The following GNAS variants were observed in gnomAD, a reference collection of about 807,000 sequenced individuals.
GNAS encodes protein ALEX.
In GNAS, 8 loss-of-function variants were observed where a neutral mutation model predicts 54.5. That is an observed-to-expected ratio of 0.15 (90% CI 0.09 to 0.26). GNAS has a LOEUF of 0.26. GNAS is among the 10% of genes least tolerant of loss of function. GNAS has a pLI of 1.00. For synonymous variants in GNAS, 204 were observed against 191.4 expected (o/e 1.07, Z -0.54); for missense variants, 170 against 529.8 (o/e 0.32, Z 6.67).
In GNAS at chr20:58,854,329, A is replaced by G. The variant is rs759616508; in HGVS notation, c.43+13443A>G. On this transcript the variant is annotated intron_variant, in intron 1 of 12. Transcript: ENST00000306090. ...GAGCGAGCAGAGAGACCCCCAGTTG[A>G]GGAGGAAGCAGCAGAGATGGAAGGA... 122 of 1,592,946 alleles carry G rather than the reference A, an allele frequency of 7.7e-5. 3 individuals are homozygous for G. In the South Asian group the frequency reaches 1.4e-3, roughly 18 times the overall value.
intron 1 of GNAS, chr20:58,876,738 C>G (rs975974374): frequency 6.6e-6 from 1 of 152,228 alleles, no homozygotes. Flanking sequence ...TAAACAGCTT[C>G]CTCCTGACCC....
At chr20:58,892,023 A>T (rs1020510114) in intron 1 of GNAS, 158 bp downstream of exon 1, 2 of 802,864 alleles carry the variant, frequency 2.5e-6, no homozygotes, top group Non-Finnish European at 3.0e-6. Context: ...CGGAAGGGGG[A>T]CCCAGGGGCG....
Position 58,909,101 on chromosome 20 carries a change from A to C in GNAS, c.531-61A>C. The C allele has an allele frequency of 7.0e-7, 1 of 1,419,052 alleles. No homozygotes were observed. Among genetic ancestry groups the C allele is most frequent in the Admixed American group, 1.7e-5 (1 of 59,800 alleles). The allele number at this position is 1,419,052 out of a possible 1,614,324, so 87.9% of individuals were successfully genotyped here. A position where few individuals can be genotyped will look rare whatever the true frequency, so the allele number is the denominator to read the frequency against. On this transcript the variant is annotated intron_variant, in intron 6 of 12. Coordinates refer to ENST00000371085, the MANE Select transcript of GNAS (RefSeq NM_000516.7). This position sits in a 1 kb window ranked among gnomAD's most constrained non-coding sequence, Gnocchi z 7.3. ...GAGCCTGACCTTGTAGAGAGACACA[A>C]ATAGTTGGCAAATTGATGTGAGCGC...
chr20:58,889,176 A>G (rs1369798267), upstream of GNAS: 27 of 1,215,110 alleles, frequency 2.2e-5, no homozygotes, highest in African/African-American at 3.3e-4. Context: ...CGGCGGGGAC[A>G]CTCAGTCGCG....
chr20:58,883,084 C>G (rs536655799), intron 1 of GNAS: 1 of 152,066 alleles, frequency 6.6e-6, no homozygotes, highest in Non-Finnish European at 1.5e-5. Context: ...ATGTAAATGG[C>G]CCCCAAAAGC....
chr20:58,889,134 C>A, upstream of GNAS: 1 of 1,194,948 alleles, frequency 8.4e-7, no homozygotes, highest in Non-Finnish European at 1.1e-6. Flanking sequence ...GAGGCTGGGG[C>A]GTCATCGGGG....
intron 1 of GNAS, among the ~76,000 whole-genome samples, chr20:58,847,386 C>A (rs561017343): frequency 6.6e-6 from 1 of 152,220 alleles, no homozygotes; most frequent in Non-Finnish European, 1.5e-5. Flanking sequence ...GCTGCCTCCA[C>A]CGGCCAAGGC....
In GNAS at chr20:58,857,791, C is replaced by T. The variant is rs1285899082; in HGVS notation, c.43+16905C>T. Among the ~76,000 whole-genome samples, 1 of 152,138 alleles carries T rather than the reference C, an allele frequency of 6.6e-6. No homozygotes were observed. Among genetic ancestry groups the T allele is most frequent in the African/African-American group, 2.4e-5 (1 of 41,446 alleles). ...CCAGTCTTAAGAATATTAGAAGTTT[C>T]CTTTGTCTCCCCTTATTTTGTCACC... On this transcript the variant is annotated intron_variant, in intron 1 of 12. Coordinates refer to the GNAS transcript ENST00000306090. The surrounding 1 kb of genome is among the most constrained non-coding windows in gnomAD (Gnocchi z 4.1).
At chr20:58,854,016 G>A (rs747005037) in intron 1 of GNAS, 2 of 1,611,460 alleles carry the variant, frequency 1.2e-6, no homozygotes, top group Non-Finnish European at 1.7e-6. Flanking sequence ...ACAAGTCGAC[G>A]GCAGCAGCCA....
chr20:58,893,265 TAAAA>T (rs577638609), intron 1 of GNAS, among the ~76,000 whole-genome samples: 51 of 151,776 alleles, frequency 3.4e-4, no homozygotes, highest in Middle Eastern at 3.4e-3. Context: ...AATAATAAAA[TAAAA>T]AAAGGTTAAC....
At chr20:58,852,971 G>A in intron 1 of GNAS, 2 of 1,143,714 alleles carry the variant, frequency 1.7e-6, no homozygotes, top group South Asian at 3.4e-5. Flanking sequence ...GAAAGAGAGA[G>A]GAGGGCGTAA....
upstream of GNAS, chr20:58,840,505 C>A: frequency 6.2e-7 from 1 of 1,613,340 alleles, no homozygotes. This position sits in a 1 kb window ranked among gnomAD's most constrained non-coding sequence, Gnocchi z 6.0. Context: ...AGACCGCCCC[C>A]ACCACTGAGC....
chr20:58,855,456 A>G, intron 1 of GNAS: 2 of 915,494 alleles, frequency 2.2e-6, no homozygotes, highest in Non-Finnish European at 3.5e-6. Context: ...CAAAGGCGGG[A>G]AGAACTTGCT....
Position 58,898,719 on chromosome 20 carries a change from A to G in GNAS, c.213-222A>G. On this transcript the variant is annotated intron_variant, in intron 2 of 12. Coordinates refer to ENST00000371085, the MANE Select transcript of GNAS (RefSeq NM_000516.7). ...CTCCAGAGAGCTCTGTTAATACTGC[A>G]GCAAAGGTGTGGGATTCTTCCCCCA... The G allele has an allele frequency of 6.3e-6, 4 of 630,972 alleles. 1 individual carries two copies. The South Asian group carries it at 7.2e-5, about 11-fold the overall frequency. The allele number at this position is 630,972 out of a possible 1,614,324, so 39.1% of individuals were successfully genotyped here. A position where few individuals can be genotyped will look rare whatever the true frequency, so the allele number is the denominator to read the frequency against.
chr20:58,892,148 TCTC>T lies in GNAS; in HGVS notation c.139+285_139+287del, dbSNP rs1447829238. 3 of 955,656 alleles carry T rather than the reference TCTC, an allele frequency of 3.1e-6. No individual in the cohort carries two copies. The African/African-American group carries it at 5.5e-5, about 18-fold the overall frequency. The allele number at this position is 955,656 out of a possible 1,614,324, so 59.2% of individuals were successfully genotyped here. On this transcript the variant is annotated intron_variant, in intron 1 of 12. Transcript: ENST00000371085. Reference sequence around the variant, plus strand: ...GTCTCTCTCTTGCTCTCGCTCTCGCTCTCCCCCTCTTTCTCTCTTTCTCTCTTT... The same window carrying T: ...GTCTCTCTCTTGCTCTCGCTCTCGCTCCCCTCTTTCTCTCTTTCTCTCTTT...
intron 3 of GNAS, among the ~76,000 whole-genome samples, chr20:58,902,121 CT>C (rs2090666525): frequency 1.3e-5 from 1 of 78,820 alleles, no homozygotes; most frequent in Admixed American, 1.3e-4. Flanking sequence ...GCCTCGGTGA[CT>C]CCCCCCCTCT....
chr20:58,911,142 G>A lies in GNAS; in HGVS notation c.*313G>A. 1.9e-6 allele frequency: 1 copy of A among 527,632 alleles called. No homozygotes were observed. Among genetic ancestry groups the A allele is most frequent in the Non-Finnish European group, 3.5e-6 (1 of 284,366 alleles). 32.7% of individuals were successfully genotyped at this position (527,632 alleles called of 1,614,324 possible). On this transcript the variant is annotated 3_prime_UTR_variant, in exon 13 of 13. Transcript: ENST00000371085. ...AAGAAACAAATGAAATAAATATTGT[G>A]TTGTGCAGCATTAAAAAAAATCAAA...
intron 2 of GNAS, 171 bp from the exon 3 acceptor site, chr20:58,898,770 C>T: frequency 1.4e-6 from 1 of 719,424 alleles, no homozygotes. Context: ...GTGGATGTTC[C>T]AATTTAGCCA....
At chr20:58,891,133 TG>T (rs1184240765), upstream of GNAS, among the ~76,000 whole-genome samples, 2 of 140,558 alleles carry the variant, frequency 1.4e-5, no homozygotes, top group Non-Finnish European at 3.1e-5. Flanking sequence ...GCCCGGGGGG[TG>T]GGGGGCGTCT....
Sources: allele counts gnomAD v4.1 joint callset (sites outside exome capture counted in the v4.1 genomes callset), GRCh38; gene constraint gnomAD v4.1.1; non-coding constraint Gnocchi (gnomAD v3.1); transcripts MANE v1.5; gene names NCBI Gene and HGNC (gene_info 2026-07-23, HGNC 2026-07-21).